The following ZFR variants were observed in gnomAD, a reference collection of about 807,000 sequenced individuals.
ZFR encodes zinc finger RNA-binding protein.
A neutral mutation model predicts 130.7 loss-of-function variants in ZFR; 19 were observed. That is an observed-to-expected ratio of 0.15 (90% CI 0.10 to 0.21). The LOEUF is 0.21. ZFR is among the 10% of genes least tolerant of loss of function. The pLI is 1.00. For synonymous variants in ZFR, 466 were observed against 456.9 expected (o/e 1.02, Z -0.25); for missense variants, 872 against 1,321.5 (o/e 0.66, Z 5.27).
chr5:32,388,701 TAAA>T (rs759202758), intron 12 of ZFR, 27 bp from the exon 13 acceptor site: 1 of 1,555,102 alleles, frequency 6.4e-7, no homozygotes, highest in East Asian at 2.3e-5. Flanking sequence ...TTGCTCAATT[TAAA>T]AAAAAGTTTC....
chr5:32,401,972 G>A (rs1335370347), intron 8 of ZFR, among the ~76,000 whole-genome samples: 1 of 152,142 alleles, frequency 6.6e-6, no homozygotes, highest in Non-Finnish European at 1.5e-5. Context: ...TTATTTCATG[G>A]TACTCTTCTC....
chr5:32,410,081 G>C (rs1326581613), intron 5 of ZFR, among the ~76,000 whole-genome samples: 1 of 152,092 alleles, frequency 6.6e-6, no homozygotes, highest in Admixed American at 6.5e-5. Context: ...CAGGCTCGTG[G>C]AACACTTGAG....
chr5:32,371,629 C>T (rs137960435), intron 17 of ZFR, among the ~76,000 whole-genome samples: 8 of 151,870 alleles, frequency 5.3e-5, no homozygotes, highest in East Asian at 1.9e-4. Context: ...TTTTCCTAAA[C>T]GTAAAAACTC....
intron 17 of ZFR, among the ~76,000 whole-genome samples, chr5:32,376,487 T>TATA (rs1309118845): frequency 1.3e-5 from 2 of 150,966 alleles, no homozygotes. Flanking sequence ...TCTACTAAAA[T>TATA]ATACAAAAAT....
chr5:32,397,335 G>T lies in ZFR; in HGVS notation c.1717C>A (p.Arg573=), dbSNP rs947549657. ...PVGHDYVEEV[R]NDEGKVIRFH... ...CGAATTACTTTTCCTTCATCATTTC[G>T]TACCTTGGTGTGGAAAAAAAATTCA... Residue 573 remains arginine, a synonymous_variant, in exon 10 of 20, where the codon CGA becomes AGA. Transcript: ENST00000265069. 6.2e-7 allele frequency: 1 copy of T among 1,607,408 alleles called. No individual in the cohort carries two copies. Among genetic ancestry groups the T allele is most frequent in the Non-Finnish European group, 8.5e-7 (1 of 1,178,082 alleles).
rs113220645 is a variant in ZFR, at chr5:32,420,404, A to T, written c.138-301T>A. ...AACAGGAATTAAAAACTAGGATAAA[A>T]AACAGTATTAGGAAGAAAAGAAAAA... On this transcript the variant is annotated intron_variant, in intron 2 of 19. Transcript: ENST00000265069. Among the ~76,000 whole-genome samples, 832 of 152,316 alleles carry T rather than the reference A, an allele frequency of 5.5e-3. 6 individuals carry two copies. The highest frequency in any genetic ancestry group is 0.019 in the African/African-American group (808 of 41,558).
At chr5:32,414,082 A>G (rs919699703) in intron 5 of ZFR, among the ~76,000 whole-genome samples, 6 of 152,176 alleles carry the variant, frequency 3.9e-5, no homozygotes, top group African/African-American at 1.4e-4. Context: ...CAAGATAAAG[A>G]CACACACCAT....
At chr5:32,411,750 C>T (rs550082352) in intron 5 of ZFR, among the ~76,000 whole-genome samples, 9 of 138,946 alleles carry the variant, frequency 6.5e-5, no homozygotes, top group African/African-American at 2.5e-4. Context: ...AAACTCAGTA[C>T]AGCTTAACAA....
intron 5 of ZFR, among the ~76,000 whole-genome samples, chr5:32,413,196 A>AAAAAAC (rs1554073449): frequency 6.6e-6 from 1 of 151,662 alleles, no homozygotes; most frequent in South Asian, 2.1e-4. Flanking sequence ...TAATCTCAAA[A>AAAAAAC]AAAACAAAAC....
intron 15 of ZFR, among the ~76,000 whole-genome samples, chr5:32,380,711 C>G (rs934396268): frequency 2.8e-5 from 4 of 140,852 alleles, no homozygotes; most frequent in South Asian, 2.2e-4. Context: ...CTGGAGTGCA[C>G]GATCTCAGAT....
intron 9 of ZFR, among the ~76,000 whole-genome samples, chr5:32,398,475 G>T (rs1241461779): frequency 1.3e-5 from 2 of 152,122 alleles, no homozygotes; most frequent in Non-Finnish European, 2.9e-5. Context: ...TTTAAGATAG[G>T]TTCTGAATGT....
chr5:32,399,927 A>G (rs1238644102), intron 9 of ZFR, 80 bp downstream of exon 9: 2 of 1,247,400 alleles, frequency 1.6e-6, no homozygotes, highest in Non-Finnish European at 2.2e-6. Flanking sequence ...AGTATATTTA[A>G]TTTTACACGT....
chr5:32,364,470 C>G lies in ZFR; in HGVS notation c.2836-195G>C, dbSNP rs564662562. On this transcript the variant is annotated intron_variant, in intron 17 of 19. Coordinates refer to ENST00000265069, the MANE Select transcript of ZFR (RefSeq NM_016107.5). ...GGAATAGGCCGGGCACAGTGGCTCA[C>G]GTCTGTAATCCAAACACTTTGGGAG... The G allele has an allele frequency of 1.7e-5, 5 of 296,808 alleles. 1 individual carries two copies. In the Admixed American group the frequency reaches 2.4e-4, roughly 14 times the overall value. 18.4% of individuals were successfully genotyped at this position (296,808 alleles called of 1,614,324 possible). A position where few individuals can be genotyped will look rare whatever the true frequency, so the allele number is the denominator to read the frequency against.
At chr5:32,412,714 A>T (rs1029499412) in intron 5 of ZFR, among the ~76,000 whole-genome samples, 1 of 152,250 alleles carries the variant, frequency 6.6e-6, no homozygotes, top group African/African-American at 2.4e-5. Context: ...GTACCATGTC[A>T]TCTACAACTT....
chr5:32,384,360 T>C (rs1283847537), intron 15 of ZFR, among the ~76,000 whole-genome samples: 4 of 152,198 alleles, frequency 2.6e-5, no homozygotes, highest in African/African-American at 7.2e-5. Flanking sequence ...AAGCTTAAGA[T>C]ATAAATATCA....
chr5:32,388,341 G>A (rs1283912811), intron 13 of ZFR, 128 bp downstream of exon 13: 31 of 871,032 alleles, frequency 3.6e-5, no homozygotes, highest in Non-Finnish European at 2.1e-5. Context: ...ATGAAATATC[G>A]AACACAGGCA....
At chr5:32,365,987 T>A (rs1347204733) in intron 17 of ZFR, among the ~76,000 whole-genome samples, 1 of 152,168 alleles carries the variant, frequency 6.6e-6, no homozygotes, top group African/African-American at 2.4e-5. Flanking sequence ...GAAAACTCTA[T>A]GTGTATGTAT....
At position 32,403,417 on chromosome 5, in the gene ZFR, T is replaced by G. The variant is rs779381585; in HGVS notation, c.1225-20A>C. The G allele has an allele frequency of 1.3e-6, 2 of 1,596,872 alleles. No homozygotes were observed. Among genetic ancestry groups the G allele is most frequent in the African/African-American group, 2.7e-5 (2 of 74,414 alleles). On this transcript the variant is annotated intron_variant, in intron 7 of 19. Coordinates refer to ENST00000265069, the MANE Select transcript of ZFR (RefSeq NM_016107.5). Reference sequence around the variant, plus strand: ...AACCACCTATAAAACAAAAGCACACTTATTTGTCAGGAAACTCAAATAGAT... The same window carrying G: ...AACCACCTATAAAACAAAAGCACACGTATTTGTCAGGAAACTCAAATAGAT...
intron 12 of ZFR, 42 bp from the exon 13 acceptor site, chr5:32,388,716 T>C: frequency 6.6e-7 from 1 of 1,512,618 alleles, no homozygotes; most frequent in Non-Finnish European, 9.0e-7. Flanking sequence ...AAAAGTTTCC[T>C]GAGCAAAAGC....
Sources: allele counts gnomAD v4.1 joint callset (sites outside exome capture counted in the v4.1 genomes callset), GRCh38; gene constraint gnomAD v4.1.1; transcripts MANE v1.5; gene names NCBI Gene and HGNC (gene_info 2026-07-23, HGNC 2026-07-21).